UGT1A6: variants seen among roughly 807,000 people sequenced by gnomAD.
The protein encoded by UGT1A6 is UDP-glucuronosyltransferase 1A6.
In UGT1A6, 32 loss-of-function variants were observed where a neutral mutation model predicts 44.4. The observed-to-expected ratio is 0.72, with a 90% CI of 0.54 to 0.97. UGT1A6 has a LOEUF of 0.97. Among genes scored for constraint, UGT1A6 ranks in the 50% least tolerant of loss-of-function variants. The pLI, the probability that UGT1A6 is intolerant of heterozygous loss-of-function variation, is 0.00. For synonymous variants in UGT1A6, 238 were observed against 248.5 expected (o/e 0.96, Z 0.40); for missense variants, 685 against 661.9 (o/e 1.03, Z -0.38).
At chr2:233,767,965 C>CAAACCAG (rs1699532267) in intron 3 of UGT1A6, 29 bp downstream of exon 3, 1 of 1,613,980 alleles carries the variant, frequency 6.2e-7, no homozygotes, top group Admixed American at 1.7e-5. Flanking sequence ...ATGTATAGGT[C>CAAACCAG]AAACCAGGGT....
At chr2:233,740,014 A>G (rs1487860646) in intron 1 of UGT1A6, among the ~76,000 whole-genome samples, 4 of 151,772 alleles carry the variant, frequency 2.6e-5, no homozygotes, top group South Asian at 2.1e-4. Flanking sequence ...GTGAGTTCTC[A>G]TGAGAGCTGA....
intron 1 of UGT1A6, among the ~76,000 whole-genome samples, chr2:233,701,439 A>G (rs557016008): frequency 1.8e-4 from 27 of 152,274 alleles, no homozygotes; most frequent in Admixed American, 1.6e-3. Flanking sequence ...GATCAACGAG[A>G]CAGAAAGTTA....
intron 1 of UGT1A6, among the ~76,000 whole-genome samples, chr2:233,700,404 A>G (rs1297317777): frequency 6.6e-6 from 1 of 152,178 alleles, no homozygotes; most frequent in Non-Finnish European, 1.5e-5. Context: ...TTTTGGCAGC[A>G]GTGTTTCTGT....
At chr2:233,759,379 A>G (rs6723506) in intron 1 of UGT1A6, among the ~76,000 whole-genome samples, 3,469 of 152,254 alleles carry the variant, frequency 0.023, 66 homozygotes, top group South Asian at 0.044. Flanking sequence ...ACAGGTTTTC[A>G]GGATACTCAG....
At chr2:233,747,587 T>C (rs1416788712) in intron 1 of UGT1A6, 8 of 1,579,890 alleles carry the variant, frequency 5.1e-6, no homozygotes, top group Non-Finnish European at 3.5e-6. Context: ...TGGTCTTTCA[T>C]AGGTCTTGTG....
intron 1 of UGT1A6, among the ~76,000 whole-genome samples, chr2:233,763,956 G>A (rs1159458395): frequency 1.3e-5 from 2 of 152,194 alleles, no homozygotes; most frequent in Admixed American, 1.3e-4. Context: ...GAGCAGGGAA[G>A]GTTGAGATAT....
At chr2:233,728,368 C>T (rs1168371708) in intron 1 of UGT1A6, among the ~76,000 whole-genome samples, 7 of 152,282 alleles carry the variant, frequency 4.6e-5, no homozygotes, top group African/African-American at 1.2e-4. Context: ...CTGAACCCAC[C>T]ATGGGTCTTT....
rs1341350093 is a variant in UGT1A6, at chr2:233,769,045, A to G, written c.1301+606A>G. ...AGTTGCCATAATAGACATCTGATCC[A>G]TAAGTTTCCTGCACAGAAAGAAATA... On this transcript the variant is annotated intron_variant, in intron 4 of 4. Transcript: ENST00000305139. This position sits in a 1 kb window ranked among gnomAD's most constrained non-coding sequence, Gnocchi z 4.4. Among the ~76,000 whole-genome samples, 2 of 152,222 alleles carry G rather than the reference A, an allele frequency of 1.3e-5. No homozygotes were observed. Among genetic ancestry groups the G allele is most frequent in the African/African-American group, 2.4e-5 (1 of 41,450 alleles).
chr2:233,739,043 G>A (rs1411881573), intron 1 of UGT1A6: 2 of 152,288 alleles, frequency 1.3e-5, no homozygotes, highest in African/African-American at 4.8e-5. Flanking sequence ...CCAAGGTAGA[G>A]CTCAGGCCAT....
intron 1 of UGT1A6, among the ~76,000 whole-genome samples, chr2:233,698,020 CA>C (rs1249680448): frequency 6.6e-6 from 1 of 151,888 alleles, no homozygotes; most frequent in African/African-American, 2.4e-5. Context: ...ACATTGGTAC[CA>C]ATTATCTTAT....
intron 1 of UGT1A6, chr2:233,760,374 G>A: frequency 1.9e-6 from 3 of 1,614,168 alleles, no homozygotes; most frequent in Non-Finnish European, 2.5e-6. Context: ...ATGCTGGGAA[G>A]ATACTGTTGA....
At chr2:233,722,847 T>TATGAAGACACTAC (rs1484611213) in intron 1 of UGT1A6, among the ~76,000 whole-genome samples, 1 of 139,226 alleles carries the variant, frequency 7.2e-6, no homozygotes, top group African/African-American at 2.9e-5. Flanking sequence ...GAATGTTTCT[T>TATGAAGACACTAC]TTTTTTTTTT....
rs1260954458 is a variant in UGT1A6, at chr2:233,760,768, G to A, written c.862-6266G>A. ...TTTCCTTCCTTGCAGCCCCATCGTG[G>A]CCCAGTACCTGTCTCTGCCCACTGT... is the stretch of plus-strand genomic sequence containing the variant. On this transcript the variant is annotated intron_variant, in intron 1 of 4. Coordinates refer to ENST00000305139, the MANE Select transcript of UGT1A6 (RefSeq NM_001072.4). 3.1e-6 allele frequency: 5 copies of A among 1,613,838 alleles called. 1 individual carries two copies. The highest frequency in any genetic ancestry group is 3.4e-6 in the Non-Finnish European group (4 of 1,179,918).
intron 1 of UGT1A6, among the ~76,000 whole-genome samples, chr2:233,748,613 G>A (rs1489441058): frequency 2.0e-5 from 3 of 151,820 alleles, no homozygotes; most frequent in African/African-American, 7.3e-5. Flanking sequence ...AGCAACGAAC[G>A]TGGGATATAT....
At chr2:233,748,449 C>G (rs756497529) in intron 1 of UGT1A6, among the ~76,000 whole-genome samples, 2 of 151,714 alleles carry the variant, frequency 1.3e-5, no homozygotes, top group Non-Finnish European at 2.9e-5. Context: ...GCACAATTTT[C>G]AGGGGAAAGA....
At chr2:233,746,286 G>A (rs1374817332) in intron 1 of UGT1A6, among the ~76,000 whole-genome samples, 1 of 151,716 alleles carries the variant, frequency 6.6e-6, no homozygotes, top group Non-Finnish European at 1.5e-5. Context: ...TTCAAGGAAG[G>A]TGGCTTTGTT....
At chr2:233,760,612 G>C in intron 1 of UGT1A6, 1 of 1,614,218 alleles carries the variant, frequency 6.2e-7, no homozygotes, top group South Asian at 1.1e-5. Flanking sequence ...CCTGCAGCGT[G>C]TGATCAAAAC....
Position 233,772,728 on chromosome 2 carries a change from C to T in UGT1A6, c.*169C>T, listed in dbSNP as rs1029569602. 2.4e-5 allele frequency: 35 copies of T among 1,446,106 alleles called. No homozygotes were observed. The highest frequency in any genetic ancestry group is 8.7e-5 in the South Asian group (6 of 68,994). The allele number at this position is 1,446,106 out of a possible 1,614,324, so 89.6% of individuals were successfully genotyped here. A position where few individuals can be genotyped will look rare whatever the true frequency, so the allele number is the denominator to read the frequency against. ...TTCTCTTAAATAAAAATAATAGACT[C>T]GCTAGTCAGTAAAGATATTTGAATA... On this transcript the variant is annotated 3_prime_UTR_variant, in exon 5 of 5. Coordinates refer to ENST00000305139, the MANE Select transcript of UGT1A6 (RefSeq NM_001072.4).
At chr2:233,718,738 T>A (rs1216581751) in intron 1 of UGT1A6, 13 of 1,611,734 alleles carry the variant, frequency 8.1e-6, no homozygotes, top group Admixed American at 1.7e-5. Context: ...GGTGGCTCAA[T>A]GACAAGGTAA....
Sources: gnomAD v4.1 joint callset for allele counts (sites outside exome capture counted in the v4.1 genomes callset) on GRCh38, gnomAD v4.1.1 for gene constraint, Gnocchi (gnomAD v3.1) non-coding constraint, MANE v1.5 for transcripts, NCBI Gene and HGNC (gene_info 2026-07-23, HGNC 2026-07-21) for gene names.